KIF13A: variants seen among roughly 807,000 people sequenced by gnomAD.
KIF13A encodes kinesin-like protein KIF13A.
KIF13A carries 79 observed loss-of-function variants against 212.2 expected under a neutral mutation model. The ratio of observed to expected loss-of-function variants is 0.37; its 90% confidence interval spans 0.31 to 0.45. The LOEUF (loss-of-function observed/expected upper bound fraction) is 0.45. KIF13A is among the 20% of genes least tolerant of loss of function. The pLI, the probability that KIF13A is intolerant of heterozygous loss-of-function variation, is 1.00. For synonymous variants in KIF13A, 789 were observed against 808.6 expected, an observed-to-expected ratio of 0.98 and a Z score of 0.41; for missense variants, 1,901 against 2,209.0, an observed-to-expected ratio of 0.86 and a Z score of 2.79.
chr6:17,796,693 G>C lies in KIF13A; in HGVS notation c.2918C>G (p.Ala973Gly). The C allele has an allele frequency of 6.3e-7, 1 of 1,577,290 alleles. No individual in the cohort carries two copies. The highest frequency in any genetic ancestry group is 8.6e-7 in the Non-Finnish European group (1 of 1,160,164). The change falls in exon 23 of 39, where the codon GCT becomes GGT. Residue 973 changes from alanine to glycine, a missense_variant. This residue lies in a region of KIF13A where 534 missense variants were observed against 536.9 expected (regional missense o/e 0.99). Transcript: ENST00000259711. ...SSIWEVDSLHAKTRTLHDRWN... is the reference protein window; with the variant it reads ...SSIWEVDSLHGKTRTLHDRWN... ...CCTGTCATGCAGTGTTCTTGTCTTAGCATGAAGAGAATCGACCTCCCAGAT... is the reference window on the plus strand; with the variant it reads ...CCTGTCATGCAGTGTTCTTGTCTTACCATGAAGAGAATCGACCTCCCAGAT...
intron 4 of KIF13A, among the ~76,000 whole-genome samples, chr6:17,870,981 G>T (rs937878366): frequency 2.0e-5 from 3 of 152,192 alleles, no homozygotes; most frequent in African/African-American, 7.2e-5. Context: ...TTGTAGCTCA[G>T]AGAAATTAAG....
intron 2 of KIF13A, among the ~76,000 whole-genome samples, chr6:17,907,581 C>T (rs1170377020): frequency 1.3e-5 from 2 of 149,346 alleles, no homozygotes; most frequent in African/African-American, 4.9e-5. Context: ...ACTGGTATGA[C>T]AACGTGGAGT....
At chr6:17,766,225 T>G (rs867776970) in intron 38 of KIF13A, among the ~76,000 whole-genome samples, 1 of 149,136 alleles carries the variant, frequency 6.7e-6, no homozygotes, top group South Asian at 2.1e-4. Context: ...TTAAGATTTA[T>G]TTATTTATTT....
Position 17,846,065 on chromosome 6 carries a change from T to TC in KIF13A, c.830+3311dup, listed in dbSNP as rs1554183459. On this transcript the variant is annotated intron_variant, in intron 9 of 38. Coordinates refer to ENST00000259711, the MANE Select transcript of KIF13A (RefSeq NM_022113.6). ...CCTTTTTTTTTTTTTTTTTTTTTTT[T>TC]CTGAGACAGCCTCCTGAGTAGCTGG... Among the ~76,000 whole-genome samples the TC allele has an allele frequency of 1.3e-3, 173 of 134,774 alleles. 4 individuals carry two copies. Among genetic ancestry groups the TC allele is most frequent in the African/African-American group, 4.5e-3 (127 of 27,950 alleles). 88.4% of individuals were successfully genotyped at this position (134,774 alleles called of 152,430 possible).
chr6:17,812,888 G>A (rs1276017573), intron 17 of KIF13A, among the ~76,000 whole-genome samples: 1 of 152,148 alleles, frequency 6.6e-6, no homozygotes, highest in Non-Finnish European at 1.5e-5. Flanking sequence ...GTGTGAGATG[G>A]TATCTCATTG....
chr6:17,946,930 G>A (rs1005795618), intron 2 of KIF13A, among the ~76,000 whole-genome samples: 4 of 152,238 alleles, frequency 2.6e-5, no homozygotes, highest in South Asian at 2.1e-4. Flanking sequence ...CTGTGCAGGC[G>A]GTTGCACAAC....
At chr6:17,910,168 T>C (rs1033398339) in intron 2 of KIF13A, among the ~76,000 whole-genome samples, 17 of 152,298 alleles carry the variant, frequency 1.1e-4, no homozygotes, top group African/African-American at 2.9e-4. Context: ...AATTTAACAA[T>C]AGTCCGTATT....
chr6:17,831,749 C>A (rs897105708), intron 12 of KIF13A, among the ~76,000 whole-genome samples: 1 of 148,562 alleles, frequency 6.7e-6, no homozygotes, highest in Non-Finnish European at 1.5e-5. Context: ...GAACCCCTGG[C>A]AAATATCAGA....
rs1369794327 is a variant in KIF13A, at chr6:17,951,653, T to C, written c.146+35401A>G. On this transcript the variant is annotated intron_variant, in intron 2 of 38. Transcript: ENST00000259711. The surrounding 1 kb of genome is among the most constrained non-coding windows in gnomAD (Gnocchi z 4.9). ...TCCCCCAAGCCTAGGCAACCATTAA[T>C]CTACTTTCTGTCTCCACGAATATGT... Among the ~76,000 whole-genome samples the C allele has an allele frequency of 6.6e-6, 1 of 152,046 alleles. No individual in the cohort carries two copies. Among genetic ancestry groups the C allele is most frequent in the Non-Finnish European group, 1.5e-5 (1 of 68,030 alleles).
chr6:17,817,383 G>A (rs1764043224), intron 16 of KIF13A, 150 bp from the exon 17 acceptor site: 2 of 653,030 alleles, frequency 3.1e-6, no homozygotes, highest in South Asian at 1.9e-5. Flanking sequence ...CCACATCAGG[G>A]AAATCCTCTC....
At position 17,796,727 on chromosome 6, in the gene KIF13A, C is replaced by T. The variant is rs367717609; in HGVS notation, c.2884G>A (p.Gly962Ser). The change falls in exon 23 of 39, where the codon GGC (glycine) becomes AGC (serine). Residue 962 changes from glycine to serine, a missense_variant. Physicochemically the swap from Gly to Ser is moderately conservative, Grantham distance 56. This residue lies in a region of KIF13A where 534 missense variants were observed against 536.9 expected (regional missense o/e 0.99). Transcript: ENST00000259711. ...GAATCGACCTCCCAGATGGAGCTGC[C>T]ATTTCCAGCACACCGGTGGCCCCAT... is the stretch of plus-strand genomic sequence containing the variant. ...EVWGHRCAGN[G>S]SSIWEVDSLH... 8 of 1,592,930 alleles carry T rather than the reference C, an allele frequency of 5.0e-6. No individual in the cohort carries two copies. Among genetic ancestry groups the T allele is most frequent in the Non-Finnish European group, 6.8e-6 (8 of 1,168,952 alleles).
In KIF13A at chr6:17,934,608, G is replaced by C. The variant is rs1380316324; in HGVS notation, c.147-36428C>G. The stretch of plus-strand genomic sequence containing the variant: ...TTCGAGACCAGCCTGGGCAACATAG[G>C]GAAACCCTGTCTCTACAAAAATATT... On this transcript the variant is annotated intron_variant, in intron 2 of 38. Transcript: ENST00000259711. The surrounding 1 kb of genome is among the most constrained non-coding windows in gnomAD (Gnocchi z 5.4). 6.6e-6 allele frequency among the ~76,000 whole-genome samples: 1 copy of C among 151,828 alleles called. No individual in the cohort carries two copies. The highest frequency in any genetic ancestry group is 1.5e-5 in the Non-Finnish European group (1 of 67,948).
Position 17,855,231 on chromosome 6 carries a change from A to G in KIF13A, c.494+206T>C, listed in dbSNP as rs1002688700. On this transcript the variant is annotated intron_variant, in intron 6 of 38. Coordinates refer to ENST00000259711, the MANE Select transcript of KIF13A (RefSeq NM_022113.6). This position sits in a 1 kb window ranked among gnomAD's most constrained non-coding sequence, Gnocchi z 4.1. ...TAGTAAAAACATCTTTTCAAAGGGC[A>G]TACATAGGCAACTTTATACATTAAT... is the stretch of plus-strand genomic sequence containing the variant. 6.6e-6 allele frequency among the ~76,000 whole-genome samples: 1 copy of G among 152,260 alleles called. No individual in the cohort carries two copies. The highest frequency in any genetic ancestry group is 1.5e-5 in the Non-Finnish European group (1 of 68,044).
intron 2 of KIF13A, among the ~76,000 whole-genome samples, chr6:17,973,713 A>C (rs1385458166): frequency 2.6e-5 from 4 of 152,208 alleles, no homozygotes; most frequent in Non-Finnish European, 5.9e-5. Flanking sequence ...TATCTCAAAG[A>C]AGCAGACCAA....
intron 2 of KIF13A, among the ~76,000 whole-genome samples, chr6:17,976,161 G>A (rs918124786): frequency 4.6e-5 from 7 of 152,238 alleles, no homozygotes; most frequent in Non-Finnish European, 7.3e-5. Context: ...GGCTGCAGGT[G>A]GAGCTACCTG....
intron 2 of KIF13A, among the ~76,000 whole-genome samples, chr6:17,979,988 A>C (rs1351036278): frequency 6.6e-6 from 1 of 152,202 alleles, no homozygotes; most frequent in Non-Finnish European, 1.5e-5. Context: ...GAGGTGTTCC[A>C]GAAAAAAACA....
At chr6:17,827,182 C>G in intron 14 of KIF13A, among the ~76,000 whole-genome samples, 1 of 152,136 alleles carries the variant, frequency 6.6e-6, no homozygotes, top group Non-Finnish European at 1.5e-5. Flanking sequence ...ACAGCCTCAA[C>G]CTCGTGGGCT....
Position 17,846,041 on chromosome 6 carries a change from C to CTTTTTTT in KIF13A, c.830+3329_830+3335dup, listed in dbSNP as rs34232861. On this transcript the variant is annotated intron_variant, in intron 9 of 38. Transcript: ENST00000259711. ...GATTTCTTTAGTTTTGGAACTCAAC[C>CTTTTTTT]TTTTTTTTTTTTTTTTTTTTTTTTC... 4.2e-4 allele frequency among the ~76,000 whole-genome samples: 35 copies of CTTTTTTT among 83,248 alleles called. 2 individuals carry two copies. Among genetic ancestry groups the CTTTTTTT allele is most frequent in the Admixed American group, 6.7e-4 (4 of 5,970 alleles). The allele number at this position is 83,248 out of a possible 152,430, so 54.6% of individuals were successfully genotyped here.
At chr6:17,791,330 A>G (rs1379312185) in intron 25 of KIF13A, among the ~76,000 whole-genome samples, 1 of 151,924 alleles carries the variant, frequency 6.6e-6, no homozygotes, top group Admixed American at 6.6e-5. Context: ...CAAAACCAGC[A>G]TATTCTGCAT....
Sources: allele counts gnomAD v4.1 joint callset (sites outside exome capture counted in the v4.1 genomes callset), GRCh38; gene constraint gnomAD v4.1.1; regional missense constraint gnomAD v4.1.1; non-coding constraint Gnocchi (gnomAD v3.1); transcripts MANE v1.5; gene names NCBI Gene and HGNC (gene_info 2026-07-23, HGNC 2026-07-21).